The following CPNE4 variants were observed in gnomAD, a reference collection of about 807,000 sequenced individuals.
The protein encoded by CPNE4 is copine 4, also known as copine-4.
In CPNE4, 25 loss-of-function variants were observed where a neutral mutation model predicts 67.9. The observed-to-expected ratio is 0.37, with a 90% CI of 0.27 to 0.51. CPNE4 has a LOEUF of 0.51. Ranked by LOEUF, CPNE4 falls within the 20% of genes least tolerant of loss-of-function variation. The probability of loss-of-function intolerance (pLI) is 0.93; values close to 1 mark genes in which losing one functional copy is unlikely to be tolerated. For missense variants in CPNE4, 464 were observed against 690.8 expected, an observed-to-expected ratio of 0.67 and a Z score of 3.68; for synonymous variants, 242 against 244.9, an observed-to-expected ratio of 0.99 and a Z score of 0.11.
chr3:131,828,107 G>T lies in CPNE4; in HGVS notation c.180+77157C>A, dbSNP rs192683159. ...GAAAAAGCCACTATAACATTGTATT[G>T]CTTAGAGTCTAAATTTATTTAATGT... On this transcript the variant is annotated intron_variant, in intron 2 of 15. Coordinates refer to ENST00000429747, the MANE Select transcript of CPNE4 (RefSeq NM_130808.3). Among the ~76,000 whole-genome samples, 192 of 150,876 alleles carry T rather than the reference G, an allele frequency of 1.3e-3. 2 individuals are homozygous for T. Among genetic ancestry groups the T allele is most frequent in the African/African-American group, 4.6e-3 (186 of 40,294 alleles).
At chr3:131,855,284 A>T (rs1267850731) in intron 2 of CPNE4, among the ~76,000 whole-genome samples, 1 of 151,962 alleles carries the variant, frequency 6.6e-6, no homozygotes. Flanking sequence ...ATGTTAAGGC[A>T]TTGAAACTTG....
intron 1 of CPNE4, among the ~76,000 whole-genome samples, chr3:131,956,619 ATTT>A (rs2071981784): frequency 7.0e-6 from 1 of 143,562 alleles, no homozygotes; most frequent in Non-Finnish European, 1.5e-5. Context: ...TCAATACAGC[ATTT>A]ATTATAATGC....
At chr3:131,782,544 G>C (rs2083455347) in intron 2 of CPNE4, among the ~76,000 whole-genome samples, 1 of 151,842 alleles carries the variant, frequency 6.6e-6, no homozygotes, top group Admixed American at 6.6e-5. Flanking sequence ...GTTATCTTGA[G>C]AAGATTAATC....
At chr3:131,863,133 A>G (rs948051591) in intron 2 of CPNE4, among the ~76,000 whole-genome samples, 1 of 152,160 alleles carries the variant, frequency 6.6e-6, no homozygotes, top group African/African-American at 2.4e-5. Flanking sequence ...GTTGGTTCCA[A>G]GTCTTTGATA....
rs565121376 is a variant in CPNE4, at chr3:131,722,850, A to G, written c.360+596T>C. 4.6e-5 allele frequency among the ~76,000 whole-genome samples: 7 copies of G among 152,344 alleles called. No homozygotes were observed. In the South Asian group the frequency reaches 1.2e-3, roughly 27 times the overall value. On this transcript the variant is annotated intron_variant, in intron 3 of 15. Coordinates refer to ENST00000429747, the MANE Select transcript of CPNE4 (RefSeq NM_130808.3). ...CAGGAAGACCTAGTAGAGTCCTAAC[A>G]CTGCTACTTATTAGGTAGAGCCTTC...
At chr3:132,024,027 G>A (rs568486386) in intron 1 of CPNE4, among the ~76,000 whole-genome samples, 21 of 151,482 alleles carry the variant, frequency 1.4e-4, no homozygotes, top group African/African-American at 4.8e-4. Flanking sequence ...TTATAATACA[G>A]TAAATATTGA....
chr3:131,926,624 C>G (rs768417656), intron 1 of CPNE4, among the ~76,000 whole-genome samples: 1 of 152,082 alleles, frequency 6.6e-6, no homozygotes, highest in Non-Finnish European at 1.5e-5. Context: ...AACAGAGGAG[C>G]ACACTTTGAT....
chr3:131,852,159 A>G (rs536603387), intron 2 of CPNE4, among the ~76,000 whole-genome samples: 1 of 152,238 alleles, frequency 6.6e-6, no homozygotes, highest in East Asian at 1.9e-4. Context: ...CTTACAGAGT[A>G]TTAAGGGTAT....
intron 1 of CPNE4, among the ~76,000 whole-genome samples, chr3:131,917,788 C>A (rs2070609823): frequency 6.6e-6 from 1 of 152,262 alleles, no homozygotes; most frequent in Non-Finnish European, 1.5e-5. Context: ...GTCAGTGGAC[C>A]AGGGCAAGAC....
chr3:131,637,317 C>A (rs372393772), intron 7 of CPNE4, among the ~76,000 whole-genome samples: 1 of 152,098 alleles, frequency 6.6e-6, no homozygotes, highest in African/African-American at 2.4e-5. Context: ...AAGGAAAATT[C>A]TTCAGTGAAA....
intron 2 of CPNE4, among the ~76,000 whole-genome samples, chr3:131,866,474 C>A (rs1226866176): frequency 1.3e-5 from 2 of 152,132 alleles, no homozygotes; most frequent in African/African-American, 4.8e-5. Context: ...CTATGGGAAG[C>A]CAAACTTTTT....
chr3:131,960,110 A>AGTG (rs2072121441), intron 1 of CPNE4, among the ~76,000 whole-genome samples: 1 of 151,644 alleles, frequency 6.6e-6, no homozygotes, highest in African/African-American at 2.4e-5. Context: ...AGAGGAAAGC[A>AGTG]GAGAAAGAGT....
chr3:132,019,885 G>C (rs1399876973), intron 1 of CPNE4, among the ~76,000 whole-genome samples: 1 of 152,168 alleles, frequency 6.6e-6, no homozygotes, highest in Non-Finnish European at 1.5e-5. Context: ...GTGTCTATCT[G>C]TCTGTCCGTG....
chr3:131,921,771 AAG>A (rs1458467408), intron 1 of CPNE4, among the ~76,000 whole-genome samples: 1 of 152,196 alleles, frequency 6.6e-6, no homozygotes, highest in Non-Finnish European at 1.5e-5. Flanking sequence ...GTTAATATAA[AAG>A]AGAGTTCTGC....
intron 3 of CPNE4, among the ~76,000 whole-genome samples, chr3:131,709,762 T>C (rs780683825): frequency 2.0e-4 from 30 of 152,220 alleles, no homozygotes; most frequent in Non-Finnish European, 3.7e-4. Context: ...TTAAATGAGA[T>C]AATTGGTACG....
intron 7 of CPNE4, among the ~76,000 whole-genome samples, chr3:131,615,891 T>TCTCA (rs752305040): frequency 6.5e-5 from 7 of 107,758 alleles, no homozygotes; most frequent in South Asian, 2.9e-4. Flanking sequence ...TCTCTCTCTC[T>TCTCA]CACACACACA....
rs141027794 is a variant in CPNE4 at position 131,627,477 on chromosome 3, C to T, written c.682-39895G>A. ...TTTTTGTGTCTGCTAACACAACATCCATTCTGCAGCCCATGGATCAAGGTG... is the reference window on the plus strand; with the variant it reads ...TTTTTGTGTCTGCTAACACAACATCTATTCTGCAGCCCATGGATCAAGGTG... On this transcript the variant is annotated intron_variant, in intron 7 of 15. Transcript: ENST00000429747. Among the ~76,000 whole-genome samples, 900 of 152,104 alleles carry T rather than the reference C, an allele frequency of 5.9e-3. 7 individuals are homozygous for T. Among genetic ancestry groups the T allele is most frequent in the African/African-American group, 0.02 (839 of 41,384 alleles).
At chr3:131,830,921 A>G (rs1011111119) in intron 2 of CPNE4, among the ~76,000 whole-genome samples, 17 of 152,140 alleles carry the variant, frequency 1.1e-4, no homozygotes, top group African/African-American at 3.9e-4. Flanking sequence ...ACAAAGATAC[A>G]AGGAAAGTCT....
chr3:131,609,160 C>T (rs999563896), intron 7 of CPNE4, among the ~76,000 whole-genome samples: 2 of 152,140 alleles, frequency 1.3e-5, no homozygotes, highest in Non-Finnish European at 2.9e-5. Context: ...TATTTACCCC[C>T]AAAACCGTAA....
Sources: allele counts gnomAD v4.1 joint callset (sites outside exome capture counted in the v4.1 genomes callset), GRCh38; gene constraint gnomAD v4.1.1; transcripts MANE v1.5; gene names NCBI Gene and HGNC (gene_info 2026-07-23, HGNC 2026-07-21).